KIF11: variants seen among roughly 807,000 people sequenced by gnomAD.
KIF11 encodes kinesin family member 11.
A neutral mutation model predicts 121.0 loss-of-function variants in KIF11; 9 were observed. The observed-to-expected ratio is 0.07, with a 90% confidence interval of 0.04 to 0.13. The LOEUF (loss-of-function observed/expected upper bound fraction) is 0.13. Ranked by LOEUF, KIF11 falls within the 10% of genes least tolerant of loss-of-function variation. The probability of loss-of-function intolerance (pLI) is 1.00; values close to 1 mark genes in which losing one functional copy is unlikely to be tolerated. For missense variants in KIF11, 846 were observed against 1,217.5 expected (o/e 0.69, Z 4.54); for synonymous variants, 408 against 421.0 (o/e 0.97, Z 0.38).
chr10:92,609,591 G>T lies in KIF11; in HGVS notation c.698+82G>T, dbSNP rs1028175000. The stretch of plus-strand genomic sequence containing the variant: ...CTTGGAGAAAGTCAAATTGGGGTGG[G>T]TCAGGGTATGTGGGTCACGTACCTA... On this transcript the variant is annotated intron_variant, in intron 6 of 21. Coordinates refer to ENST00000260731, the MANE Select transcript of KIF11 (RefSeq NM_004523.4). 2.9e-6 allele frequency: 4 copies of T among 1,393,498 alleles called. No homozygotes were observed. In the East Asian group the frequency reaches 9.1e-5, roughly 32 times the overall value. 86.3% of individuals were successfully genotyped at this position (1,393,498 alleles called of 1,614,324 possible). A position where few individuals can be genotyped will look rare whatever the true frequency, so the allele number is the denominator to read the frequency against.
chr10:92,593,247 G>A lies in KIF11; in HGVS notation c.-129G>A. ...GCGGGGACGCCGACCTGCGTGCGTCGGTCCTCCAGGCCACGCCAGCGCCCG... is the reference window on the plus strand; with the variant it reads ...GCGGGGACGCCGACCTGCGTGCGTCAGTCCTCCAGGCCACGCCAGCGCCCG... On this transcript the variant is annotated 5_prime_UTR_variant, in exon 1 of 22. Coordinates refer to ENST00000260731, the MANE Select transcript of KIF11 (RefSeq NM_004523.4). 1 of 832,416 alleles carries A rather than the reference G, an allele frequency of 1.2e-6. No individual in the cohort carries two copies. Among genetic ancestry groups the A allele is most frequent in the Non-Finnish European group, 1.9e-6 (1 of 537,782 alleles). 51.6% of individuals were successfully genotyped at this position (832,416 alleles called of 1,614,324 possible). A position where few individuals can be genotyped will look rare whatever the true frequency, so the allele number is the denominator to read the frequency against.
chr10:92,625,670 T>A (rs1273365023), intron 10 of KIF11, among the ~76,000 whole-genome samples: 1 of 152,126 alleles, frequency 6.6e-6, no homozygotes, highest in African/African-American at 2.4e-5. Context: ...ATTTTATACT[T>A]AGAAAACCCC....
chr10:92,628,764 G>GA (rs761586238), intron 10 of KIF11, 44 bp from the exon 11 acceptor site: 9 of 1,077,940 alleles, frequency 8.3e-6, no homozygotes, highest in African/African-American at 4.8e-5. Flanking sequence ...ATAGGAGTTA[G>GA]AAAAAAATAT....
intron 10 of KIF11, among the ~76,000 whole-genome samples, chr10:92,626,393 C>G (rs762790132): frequency 6.6e-6 from 1 of 152,150 alleles, no homozygotes; most frequent in South Asian, 2.1e-4. Context: ...TCCTTAACGC[C>G]CATATACAGA....
chr10:92,618,390 A>T (rs1292452177), intron 9 of KIF11, among the ~76,000 whole-genome samples: 3 of 151,852 alleles, frequency 2.0e-5, no homozygotes, highest in Non-Finnish European at 4.4e-5. Context: ...CATGCCTGTA[A>T]TCCCAGCACT....
At chr10:92,633,982 T>C (rs1333888601) in intron 14 of KIF11, among the ~76,000 whole-genome samples, 187 bp downstream of exon 14, 2 of 152,092 alleles carry the variant, frequency 1.3e-5, no homozygotes. Context: ...TATTTTGTTT[T>C]GTTTTGTTTT....
intron 12 of KIF11, among the ~76,000 whole-genome samples, chr10:92,631,715 G>A (rs1020470645): frequency 2.6e-5 from 4 of 151,006 alleles, no homozygotes; most frequent in Admixed American, 6.6e-5. Flanking sequence ...TTGCTTTGTA[G>A]CCCAGGCTGG....
chr10:92,625,779 C>A (rs147267766), intron 10 of KIF11, among the ~76,000 whole-genome samples: 130 of 152,144 alleles, frequency 8.5e-4, no homozygotes, highest in African/African-American at 3.0e-3. Flanking sequence ...TCCTATATAC[C>A]AATAATGTCC....
chr10:92,633,394 G>A (rs1317997457), intron 13 of KIF11, among the ~76,000 whole-genome samples: 3 of 151,840 alleles, frequency 2.0e-5, no homozygotes, highest in Admixed American at 2.0e-4. Flanking sequence ...ATGAATTATA[G>A]TTATGGGTCT....
At position 92,593,352 on chromosome 10, in the gene KIF11, C is replaced by T; in HGVS notation, c.-24C>T. 6.3e-7 allele frequency: 1 copy of T among 1,598,828 alleles called. No individual in the cohort carries two copies. On this transcript the variant is annotated 5_prime_UTR_variant, in exon 1 of 22. Transcript: ENST00000260731. ...ACAGCGCCCAGGTCCGCGGCCGGGC[C>T]TTGATTTTTTGGCGGGGACCGTCAT...
intron 12 of KIF11, among the ~76,000 whole-genome samples, chr10:92,631,426 A>G (rs1021733957): frequency 2.0e-5 from 3 of 149,296 alleles, no homozygotes; most frequent in South Asian, 2.1e-4. Flanking sequence ...CAGTGGCGCA[A>G]TCTCGGCTCA....
chr10:92,601,073 T>TTC (rs1844363794), intron 1 of KIF11, among the ~76,000 whole-genome samples: 1 of 152,228 alleles, frequency 6.6e-6, no homozygotes, highest in African/African-American at 2.4e-5. Context: ...TTGGCTAGGC[T>TTC]GGTCTTGAAC....
intron 8 of KIF11, among the ~76,000 whole-genome samples, chr10:92,614,021 T>TACACACACACACACACACAC (rs71028831): frequency 7.9e-6 from 1 of 127,054 alleles, no homozygotes; most frequent in African/African-American, 3.2e-5. Flanking sequence ...AGTATGTGTA[T>TACACACACACACACACACAC]ACACACACAC....
chr10:92,595,158 C>T (rs1257718534), intron 1 of KIF11, among the ~76,000 whole-genome samples: 1 of 152,212 alleles, frequency 6.6e-6, no homozygotes, highest in Non-Finnish European at 1.5e-5. Flanking sequence ...CTCCCGGATT[C>T]AAGCAATTTT....
Position 92,637,560 on chromosome 10 carries a change from G to T in KIF11, c.2160+15G>T, listed in dbSNP as rs751829354. 1 of 1,591,938 alleles carries T rather than the reference G, an allele frequency of 6.3e-7. No homozygotes were observed. Among genetic ancestry groups the T allele is most frequent in the South Asian group, 1.2e-5 (1 of 86,202 alleles). Reference sequence around the variant, plus strand: ...CCCATTCCCAGGTATGTTGTTTAGCGGACTTGGGGAGTACAGAAAGAGAGT... The same window carrying T: ...CCCATTCCCAGGTATGTTGTTTAGCTGACTTGGGGAGTACAGAAAGAGAGT... On this transcript the variant is annotated intron_variant, in intron 16 of 21. Coordinates refer to ENST00000260731, the MANE Select transcript of KIF11 (RefSeq NM_004523.4).
intron 1 of KIF11, among the ~76,000 whole-genome samples, chr10:92,604,731 C>T (rs528849094): frequency 6.6e-6 from 1 of 152,088 alleles, no homozygotes; most frequent in African/African-American, 2.4e-5. Context: ...GCACTTTCTC[C>T]AAAATATATG....
chr10:92,596,825 G>T, intron 1 of KIF11: 1 of 160,924 alleles, frequency 6.2e-6, no homozygotes, highest in South Asian at 1.7e-4. Context: ...TTTACTCATT[G>T]ATACCGTGTG....
intron 20 of KIF11, 27 bp downstream of exon 20, chr10:92,650,013 A>G: frequency 1.3e-6 from 2 of 1,558,356 alleles, no homozygotes. Flanking sequence ...ATATTTTATA[A>G]TAGAACTCTT....
intron 16 of KIF11, among the ~76,000 whole-genome samples, chr10:92,638,194 T>C (rs1844828149): frequency 6.6e-6 from 1 of 152,212 alleles, no homozygotes; most frequent in Non-Finnish European, 1.5e-5. Flanking sequence ...TATTATAATA[T>C]GACAGAACTC....
Sources: allele counts gnomAD v4.1 joint callset (sites outside exome capture counted in the v4.1 genomes callset), GRCh38; gene constraint gnomAD v4.1.1; transcripts MANE v1.5; gene names NCBI Gene and HGNC (gene_info 2026-07-23, HGNC 2026-07-21).